The following PRPF18 variants were observed in gnomAD, a reference collection of about 807,000 sequenced individuals.
The protein encoded by PRPF18 is pre-mRNA processing factor 18.
Under a neutral mutation model 46.5 loss-of-function variants are expected in PRPF18, and 38 were observed. That is an observed-to-expected ratio of 0.82 (90% CI 0.63 to 1.07). The LOEUF (loss-of-function observed/expected upper bound fraction) is 1.07. Among genes scored for constraint, PRPF18 ranks in the 50% least tolerant of loss-of-function variants. The pLI is 0.00. For synonymous variants in PRPF18, 152 were observed against 146.7 expected (o/e 1.04, Z -0.26); for missense variants, 263 against 410.0 (o/e 0.64, Z 3.10).
chr10:13,620,001 T>C (rs1238886176), intron 9 of PRPF18, among the ~76,000 whole-genome samples: 3 of 152,094 alleles, frequency 2.0e-5, no homozygotes, highest in African/African-American at 7.2e-5. Context: ...TGTTAGAGTT[T>C]TGTAAAATTC....
In PRPF18 at chr10:13,613,901, AC is replaced by A; in HGVS notation, c.720+21del. On this transcript the variant is annotated intron_variant, in intron 7 of 9. Coordinates refer to ENST00000378572, the MANE Select transcript of PRPF18 (RefSeq NM_003675.4). ...AAAAGGGTGAGGTTTCTTGGAAAAT[AC>A]TTTTTTTAACTGACTTTAAAAATAC... 1 of 1,591,000 alleles carries A rather than the reference AC, an allele frequency of 6.3e-7. No homozygotes were observed. The highest frequency in any genetic ancestry group is 8.5e-7 in the Non-Finnish European group (1 of 1,173,160).
rs151071911 is a variant in PRPF18 at position 13,630,457 on chromosome 10, C to A, written c.*117C>A. ...AACTGGAGTTTCCAGTCTCTGAGTT[C>A]TACCTGATGTAACTCTTGATTGGTT... On this transcript the variant is annotated 3_prime_UTR_variant, in exon 10 of 10. Transcript: ENST00000378572. The A allele has an allele frequency of 2.2e-5, 16 of 731,912 alleles. No individual in the cohort carries two copies. Among genetic ancestry groups the A allele is most frequent in the Admixed American group, 5.3e-5 (2 of 37,932 alleles). 45.3% of individuals were successfully genotyped at this position (731,912 alleles called of 1,614,324 possible). A position where few individuals can be genotyped will look rare whatever the true frequency, so the allele number is the denominator to read the frequency against.
At chr10:13,609,918 T>G (rs921467236) in intron 4 of PRPF18, 121 bp from the exon 5 acceptor site, 2 of 1,050,232 alleles carry the variant, frequency 1.9e-6, no homozygotes, top group Non-Finnish European at 2.8e-6. Flanking sequence ...GAGTCCCTAC[T>G]TTTGCTGAAC....
the PRPF18 span, among the ~76,000 whole-genome samples, chr10:13,653,636 C>A: frequency 1.3e-5 from 2 of 152,186 alleles, no homozygotes; most frequent in Admixed American, 6.5e-5. Context: ...AGGAACCAGA[C>A]AAACCGAGGA....
chr10:13,646,121 C>T, the PRPF18 span: 1 of 152,600 alleles, frequency 6.6e-6, no homozygotes, highest in Non-Finnish European at 1.5e-5. Context: ...GCCAAGACTT[C>T]CTCGCCTTTA....
At chr10:13,643,228 C>T in the PRPF18 span, 1 of 152,158 alleles carries the variant, frequency 6.6e-6, no homozygotes, top group Non-Finnish European at 1.5e-5. Context: ...GTGAGTGACC[C>T]TCTGCATCCT....
chr10:13,626,185 A>G (rs2080501950), intron 9 of PRPF18, among the ~76,000 whole-genome samples: 1 of 152,242 alleles, frequency 6.6e-6, no homozygotes, highest in Non-Finnish European at 1.5e-5. Flanking sequence ...GAGCAAGGCG[A>G]GAGGAATCCC....
At chr10:13,652,337 C>T in the PRPF18 span, 7 of 270,574 alleles carry the variant, frequency 2.6e-5, no homozygotes, top group African/African-American at 1.3e-4. Context: ...GCATAGGACC[C>T]TGAGGAGGGC....
intron 1 of PRPF18, among the ~76,000 whole-genome samples, chr10:13,590,452 A>AAT (rs376434379): frequency 0.015 from 2,148 of 140,478 alleles, 19 homozygotes; most frequent in South Asian, 0.056. Context: ...AAAAAAAAAA[A>AAT]ATATATATAT....
Position 13,610,154 on chromosome 10 carries a change from A to G in PRPF18, c.479A>G (p.His160Arg). ...GACACACAGAATGATCTGAAAGTTCATGAGGAAAACACCACAATTGAAGAG... is the reference window on the plus strand; with the variant it reads ...GACACACAGAATGATCTGAAAGTTCGTGAGGAAAACACCACAATTGAAGAG... ...EEDTQNDLKV[H>R]EENTTIEELE... is the part of the protein sequence containing the mutation. Residue 160 changes from histidine (H) to arginine (R), a missense_variant, in exon 5 of 10, where the codon CAT (histidine) becomes CGT (arginine). By Grantham distance (29) the His-to-Arg change is conservative (BLOSUM62 0). Coordinates refer to ENST00000378572, the MANE Select transcript of PRPF18 (RefSeq NM_003675.4). 1 of 1,614,184 alleles carries G rather than the reference A, an allele frequency of 6.2e-7. No homozygotes were observed. The highest frequency in any genetic ancestry group is 8.5e-7 in the Non-Finnish European group (1 of 1,179,990).
At chr10:13,631,427 T>C (rs975513727), downstream of PRPF18, 1 of 152,284 alleles carries the variant, frequency 6.6e-6, no homozygotes, top group Admixed American at 6.5e-5. Context: ...ACCTGCTCGC[T>C]GTATGACTTT....
At chr10:13,615,646 A>G (rs2080328106) in intron 8 of PRPF18, among the ~76,000 whole-genome samples, 1 of 152,008 alleles carries the variant, frequency 6.6e-6, no homozygotes, top group South Asian at 2.1e-4. Context: ...GCTTCTCTTA[A>G]CCCTTGAGGT....
chr10:13,595,074 G>C (rs547673892), intron 1 of PRPF18, among the ~76,000 whole-genome samples: 1 of 152,324 alleles, frequency 6.6e-6, no homozygotes, highest in East Asian at 1.9e-4. Context: ...GTGCATGTTG[G>C]TGAAGAATAC....
chr10:13,593,757 C>T (rs191815002), intron 1 of PRPF18, among the ~76,000 whole-genome samples: 80 of 152,208 alleles, frequency 5.3e-4, no homozygotes, highest in African/African-American at 1.9e-3. Flanking sequence ...CAATGAAGAT[C>T]CAGCTCATGA....
At chr10:13,654,203 A>G in the PRPF18 span, 1 of 588,352 alleles carries the variant, frequency 1.7e-6, no homozygotes, top group African/African-American at 1.9e-5. Context: ...CTACTTTAAG[A>G]GAACACAGAC....
chr10:13,610,558 C>A (rs1459958723), intron 5 of PRPF18, among the ~76,000 whole-genome samples: 1 of 152,112 alleles, frequency 6.6e-6, no homozygotes. Flanking sequence ...AAGAGCTATC[C>A]TTGATGCTCT....
chr10:13,593,083 C>T (rs1207768058), intron 1 of PRPF18, among the ~76,000 whole-genome samples: 1 of 152,118 alleles, frequency 6.6e-6, no homozygotes, highest in East Asian at 1.9e-4. Flanking sequence ...AAGCAACAAC[C>T]CCTACCCCAC....
intron 3 of PRPF18, among the ~76,000 whole-genome samples, chr10:13,602,378 G>A (rs1242235520): frequency 2.0e-5 from 3 of 152,076 alleles, no homozygotes; most frequent in Non-Finnish European, 4.4e-5. Flanking sequence ...TGTTAAGGGT[G>A]TTAACCTGTG....
chr10:13,654,649 G>A, the PRPF18 span: 2 of 626,306 alleles, frequency 3.2e-6, no homozygotes, highest in Non-Finnish European at 5.7e-6. Context: ...GGACCCCAGA[G>A]CAGGGTCTCA....
Sources: gnomAD v4.1 joint callset for allele counts (sites outside exome capture counted in the v4.1 genomes callset) on GRCh38, gnomAD v4.1.1 for gene constraint, MANE v1.5 for transcripts, NCBI Gene and HGNC (gene_info 2026-07-23, HGNC 2026-07-21) for gene names.